Variants in GRM5 observed in about 807,000 individuals in gnomAD.
GRM5 encodes the protein glutamate metabotropic receptor 5.
Under a neutral mutation model 83.1 loss-of-function variants are expected in GRM5, and 19 were observed. That is an observed-to-expected ratio of 0.23 (90% CI 0.16 to 0.34). GRM5 has a LOEUF of 0.34. Among genes scored for constraint, GRM5 ranks in the 10% least tolerant of loss-of-function variants. The probability of loss-of-function intolerance (pLI) is 1.00; values close to 1 mark genes in which losing one functional copy is unlikely to be tolerated. For synonymous variants in GRM5, 675 were observed against 633.6 expected, an observed-to-expected ratio of 1.07 and a Z score of -0.98; for missense variants, 1,160 against 1,588.3, an observed-to-expected ratio of 0.73 and a Z score of 4.58.
Position 88,567,554 on chromosome 11 carries a change from G to A in GRM5, c.2129C>T (p.Ala710Val), listed in dbSNP as rs1376561638. 8.1e-6 allele frequency: 13 copies of A among 1,613,876 alleles called. No homozygotes were observed. Among genetic ancestry groups the A allele is most frequent in the Non-Finnish European group, 1.0e-5 (12 of 1,179,900 alleles). The change falls in exon 8 of 10, where the codon GCC (alanine) becomes GTC (valine). Residue 710 changes from alanine to valine, a missense_variant. Transcript: ENST00000305447. This position sits in a 1 kb window ranked among gnomAD's most constrained non-coding sequence, Gnocchi z 7.3. ...LICIQLGIIV[A>V]LFIMEPPDIM... ...GTCAGGAGGCTCCATTATAAAGAGG[G>A]CAACGATGATGCCCAACTGGATGCA... is the stretch of plus-strand genomic sequence containing the variant.
chr11:88,898,596 A>G (rs1945270386), intron 2 of GRM5, among the ~76,000 whole-genome samples: 1 of 151,934 alleles, frequency 6.6e-6, no homozygotes, highest in Non-Finnish European at 1.5e-5. Context: ...TCAAATATAT[A>G]TACGGTCACC....
intron 2 of GRM5, among the ~76,000 whole-genome samples, chr11:88,892,865 G>A (rs1945169104): frequency 6.6e-6 from 1 of 152,018 alleles, no homozygotes; most frequent in Non-Finnish European, 1.5e-5. Flanking sequence ...GGTAATGAAA[G>A]TGAGTAGGGT....
intron 2 of GRM5, among the ~76,000 whole-genome samples, chr11:88,892,433 C>T (rs1291062466): frequency 6.6e-6 from 1 of 151,922 alleles, no homozygotes; most frequent in Non-Finnish European, 1.5e-5. Context: ...GATAAAAACC[C>T]ATTGCTGAAC....
intron 3 of GRM5, among the ~76,000 whole-genome samples, chr11:88,826,830 C>T (rs1220569375): frequency 6.6e-6 from 1 of 152,094 alleles, no homozygotes; most frequent in Non-Finnish European, 1.5e-5. Context: ...AAAATTTTCC[C>T]ATAGGAGTGG....
chr11:88,520,238 T>A (rs1267705455), intron 9 of GRM5, among the ~76,000 whole-genome samples: 5 of 152,194 alleles, frequency 3.3e-5, no homozygotes, highest in Non-Finnish European at 4.4e-5. Context: ...TCTTCTTATT[T>A]TTTAGAATAT....
At chr11:88,990,963 T>C (rs1439986377) in intron 2 of GRM5, among the ~76,000 whole-genome samples, 1 of 152,184 alleles carries the variant, frequency 6.6e-6, no homozygotes, top group Admixed American at 6.5e-5. Context: ...AAGACAGAGA[T>C]GCCCTCTCTC....
At chr11:88,794,707 A>C (rs1808157903) in intron 3 of GRM5, among the ~76,000 whole-genome samples, 1 of 152,228 alleles carries the variant, frequency 6.6e-6, no homozygotes. Flanking sequence ...AAACCTGAGC[A>C]ATAAAGAAGA....
chr11:88,585,176 A>G (rs1943287896), intron 7 of GRM5, among the ~76,000 whole-genome samples: 1 of 152,106 alleles, frequency 6.6e-6, no homozygotes, highest in Non-Finnish European at 1.5e-5. Context: ...ACAACTCTTC[A>G]TTTTACATCA....
intron 7 of GRM5, among the ~76,000 whole-genome samples, chr11:88,590,148 G>A (rs1187831616): frequency 6.6e-6 from 1 of 152,174 alleles, no homozygotes; most frequent in Non-Finnish European, 1.5e-5. Context: ...GGAGACTCCT[G>A]ATTTCAATTA....
intron 7 of GRM5, among the ~76,000 whole-genome samples, chr11:88,585,993 T>C (rs2135200271): frequency 6.6e-6 from 1 of 152,244 alleles, no homozygotes; most frequent in Middle Eastern, 3.4e-3. Context: ...ATTCTGGTGT[T>C]CCTAAGAATT....
At chr11:88,913,260 G>A (rs1418392762) in intron 2 of GRM5, among the ~76,000 whole-genome samples, 1 of 152,072 alleles carries the variant, frequency 6.6e-6, no homozygotes, top group East Asian at 1.9e-4. Context: ...TATATCCCAT[G>A]GTGATATCTC....
intron 1 of GRM5, among the ~76,000 whole-genome samples, chr11:89,064,884 CTCTCTGTG>C (rs1466386634): frequency 2.4e-4 from 15 of 62,722 alleles, no homozygotes; most frequent in East Asian, 5.3e-4. Flanking sequence ...CTCTCTCTCT[CTCTCTGTG>C]TGTGTGTGTG....
At chr11:88,756,022 A>G (rs1363089082) in intron 3 of GRM5, among the ~76,000 whole-genome samples, 1 of 152,164 alleles carries the variant, frequency 6.6e-6, no homozygotes, top group African/African-American at 2.4e-5. Context: ...AACAAGGCTT[A>G]TATTTACCTC....
At chr11:88,686,986 A>G (rs10831275) in intron 3 of GRM5, among the ~76,000 whole-genome samples, 85,362 of 151,734 alleles carry the variant, frequency 0.56, 26,721 homozygotes, top group South Asian at 0.8. Flanking sequence ...AGTTCCATTC[A>G]GGCTGACTAG....
intron 3 of GRM5, among the ~76,000 whole-genome samples, chr11:88,665,170 C>CACACACACACACAT (rs1940009420): frequency 6.6e-6 from 1 of 151,528 alleles, no homozygotes; most frequent in Non-Finnish European, 1.5e-5. Context: ...TTTACACACA[C>CACACACACACACAT]ACACACACAC....
intron 3 of GRM5, among the ~76,000 whole-genome samples, chr11:88,658,872 A>G (rs529510598): frequency 6.6e-6 from 1 of 152,312 alleles, no homozygotes; most frequent in Non-Finnish European, 1.5e-5. Flanking sequence ...CTTTTGTGCC[A>G]TCCTAAAGAT....
rs368864371 is a variant in GRM5 at position 88,923,481 on chromosome 11, A to C, written c.662-73326T>G. Reference sequence around the variant, plus strand: ...CAAACTCATGTTCTCACTCATTTGCAGGGGCAAAAAATTGAAATAATTGAA... The same window carrying C: ...CAAACTCATGTTCTCACTCATTTGCCGGGGCAAAAAATTGAAATAATTGAA... On this transcript the variant is annotated intron_variant, in intron 2 of 9. Coordinates refer to ENST00000305447, the MANE Select transcript of GRM5 (RefSeq NM_001143831.3). Among the ~76,000 whole-genome samples the C allele has an allele frequency of 3.9e-4, 59 of 152,268 alleles. 1 individual carries two copies. Among genetic ancestry groups the C allele is most frequent in the African/African-American group, 1.3e-3 (55 of 41,586 alleles).
chr11:88,665,794 A>G (rs1478910665), intron 3 of GRM5, among the ~76,000 whole-genome samples: 1 of 149,780 alleles, frequency 6.7e-6, no homozygotes, highest in East Asian at 2.0e-4. Flanking sequence ...TTTTTTTTTA[A>G]TTTGTTTAAG....
intron 3 of GRM5, among the ~76,000 whole-genome samples, chr11:88,795,030 C>A (rs2135479150): frequency 6.6e-6 from 1 of 152,264 alleles, no homozygotes; most frequent in African/African-American, 2.4e-5. Flanking sequence ...ATAAGTAGAA[C>A]TTACAGAAAT....
Sources: gnomAD v4.1 joint callset for allele counts (sites outside exome capture counted in the v4.1 genomes callset) on GRCh38, gnomAD v4.1.1 for gene constraint, Gnocchi (gnomAD v3.1) non-coding constraint, MANE v1.5 for transcripts, NCBI Gene and HGNC (gene_info 2026-07-23, HGNC 2026-07-21) for gene names.